Variants in BACH1 observed in about 807,000 individuals in gnomAD.
BACH1 encodes the protein transcription regulator protein BACH1.
BACH1 carries 35 observed loss-of-function variants against 52.9 expected under a neutral mutation model. That is an observed-to-expected ratio of 0.66 (90% CI 0.51 to 0.88). The LOEUF (loss-of-function observed/expected upper bound fraction) is 0.88. Ranked by LOEUF, BACH1 falls within the 40% of genes least tolerant of loss-of-function variation. BACH1 has a pLI of 0.00. For missense variants in BACH1, 808 were observed against 872.6 expected (o/e 0.93, Z 0.93); for synonymous variants, 321 against 319.6 (o/e 1.00, Z -0.05).
intron 1 of BACH1, among the ~76,000 whole-genome samples, chr21:29,304,804 A>G (rs1712153968): frequency 6.6e-6 from 1 of 152,274 alleles, no homozygotes; most frequent in South Asian, 2.1e-4. Context: ...CTCTTTACTG[A>G]TATCTTCACA....
intron 4 of BACH1, among the ~76,000 whole-genome samples, chr21:29,332,058 G>C (rs2088990216): frequency 6.6e-6 from 1 of 152,034 alleles, no homozygotes; most frequent in South Asian, 2.1e-4. Flanking sequence ...TCAGCCTCCT[G>C]AGTAGCTGGG....
At position 29,342,821 on chromosome 21, in the gene BACH1, T is replaced by C. The variant is rs752591333; in HGVS notation, c.2199T>C (p.Thr733=). The C allele has an allele frequency of 1.3e-6, 2 of 1,583,180 alleles. No individual in the cohort carries two copies. The highest frequency in any genetic ancestry group is 8.6e-7 in the Non-Finnish European group (1 of 1,160,526). Residue 733 remains threonine (T), a synonymous_variant, in exon 5 of 5, where the codon ACT becomes ACC. Coordinates refer to ENST00000286800, the MANE Select transcript of BACH1 (RefSeq NM_001186.4). ...DFCQQMTDKC[T]TDE ...GTCAGCAGATGACTGATAAATGTACTACTGATGAGTAAACTTGCATTCACT... is the reference window on the plus strand; with the variant it reads ...GTCAGCAGATGACTGATAAATGTACCACTGATGAGTAAACTTGCATTCACT...
rs117893901 is a variant in BACH1, at chr21:29,310,100, C to T, written c.-60-11121C>T. On this transcript the variant is annotated intron_variant, in intron 1 of 4. Coordinates refer to ENST00000286800, the MANE Select transcript of BACH1 (RefSeq NM_001186.4). The stretch of plus-strand genomic sequence containing the variant: ...TTAGTAATTTATTGTGAAGAATCTG[C>T]TAAGTTTTAGAGCCCATCAACTTAT... 3.2e-3 allele frequency among the ~76,000 whole-genome samples: 492 copies of T among 152,154 alleles called. 2 individuals carry two copies. The East Asian group carries it at 0.049, about 15-fold the overall frequency.
At position 29,326,273 on chromosome 21, in the gene BACH1, G is replaced by A. The variant is rs926355865; in HGVS notation, c.449G>A (p.Cys150Tyr). The change falls in exon 3 of 5, where the codon TGT becomes TAT. Residue 150 changes from cysteine (C) to tyrosine (Y), a missense_variant. Transcript: ENST00000286800. ...CPRKKCFSSH[C>Y]QKTDLKLSLL... Reference sequence around the variant, plus strand: ...AGAAAAAAATGCTTTTCATCACACTGTCAGAAAACAGACCTTAAACTTTCA... The same window carrying A: ...AGAAAAAAATGCTTTTCATCACACTATCAGAAAACAGACCTTAAACTTTCA... 1.2e-5 allele frequency: 20 copies of A among 1,614,136 alleles called. No homozygotes were observed. Among genetic ancestry groups the A allele is most frequent in the Non-Finnish European group, 1.4e-5 (17 of 1,180,010 alleles).
At chr21:29,317,082 T>A (rs1458077923) in intron 1 of BACH1, among the ~76,000 whole-genome samples, 1 of 152,236 alleles carries the variant, frequency 6.6e-6, no homozygotes, top group Non-Finnish European at 1.5e-5. Context: ...TAGCATTAGA[T>A]TCTCACAGGA....
chr21:29,328,299 GTTTGTA>G (rs2088938859), intron 3 of BACH1, among the ~76,000 whole-genome samples: 1 of 152,116 alleles, frequency 6.6e-6, no homozygotes, highest in South Asian at 2.1e-4. Flanking sequence ...TGTATATTCT[GTTTGTA>G]TTTGATAGAT....
intron 2 of BACH1, among the ~76,000 whole-genome samples, chr21:29,359,756 G>A (rs115582292): frequency 6.6e-6 from 1 of 152,062 alleles, no homozygotes; most frequent in Admixed American, 6.6e-5. Context: ...TTGCCCGTAA[G>A]GAAATTCCTT....
chr21:29,328,270 A>C (rs1347450635), intron 3 of BACH1, among the ~76,000 whole-genome samples: 1 of 152,216 alleles, frequency 6.6e-6, no homozygotes, highest in Admixed American at 6.5e-5. Context: ...GTATGATATT[A>C]ATCAAAGCAA....
At chr21:29,310,538 T>G (rs1303415980) in intron 1 of BACH1, among the ~76,000 whole-genome samples, 1 of 152,220 alleles carries the variant, frequency 6.6e-6, no homozygotes, top group Non-Finnish European at 1.5e-5. Context: ...AAGTCAAGAT[T>G]GGACCAAATA....
intron 2 of BACH1, among the ~76,000 whole-genome samples, chr21:29,325,010 C>T (rs563356412): frequency 2.6e-5 from 4 of 152,224 alleles, no homozygotes; most frequent in Admixed American, 6.5e-5. Flanking sequence ...GAGTGGATCA[C>T]GAGGTCAGGA....
chr21:29,312,680 T>C lies in BACH1; in HGVS notation c.-60-8541T>C, dbSNP rs2088739333. ...AAACCAACTCTGTATGCAGTAACTATAAACATTAAATGCTGAGGAATATAG... is the reference window on the plus strand; with the variant it reads ...AAACCAACTCTGTATGCAGTAACTACAAACATTAAATGCTGAGGAATATAG... On this transcript the variant is annotated intron_variant, in intron 1 of 4. Coordinates refer to ENST00000286800, the MANE Select transcript of BACH1 (RefSeq NM_001186.4). Among the ~76,000 whole-genome samples, 4 of 152,202 alleles carry C rather than the reference T, an allele frequency of 2.6e-5. 1 individual carries two copies. Among genetic ancestry groups the C allele is most frequent in the African/African-American group, 9.6e-5 (4 of 41,466 alleles).
At chr21:29,328,144 C>G (rs2088936864) in intron 3 of BACH1, among the ~76,000 whole-genome samples, 1 of 152,198 alleles carries the variant, frequency 6.6e-6, no homozygotes, top group Admixed American at 6.5e-5. Context: ...AATGTGACTT[C>G]TAGTGGAGTA....
At chr21:29,301,318 T>C (rs1005388089) in intron 1 of BACH1, among the ~76,000 whole-genome samples, 3 of 152,176 alleles carry the variant, frequency 2.0e-5, no homozygotes, top group African/African-American at 7.2e-5. Flanking sequence ...CAATCGTGTA[T>C]TCATATTATA....
At chr21:29,350,904 G>A (rs1287395789), downstream of BACH1, among the ~76,000 whole-genome samples, 3 of 152,138 alleles carry the variant, frequency 2.0e-5, no homozygotes, top group African/African-American at 4.8e-5. Context: ...TGAAAGCCAC[G>A]AACTTGCCCT....
At chr21:29,351,528 C>T (rs1341546295) in intron 2 of BACH1, 2 of 463,618 alleles carry the variant, frequency 4.3e-6, no homozygotes, top group Non-Finnish European at 9.0e-6. Flanking sequence ...AGAAGGAACT[C>T]GTTTTTTAAG....
chr21:29,358,769 G>T (rs978318436), intron 2 of BACH1, among the ~76,000 whole-genome samples: 3 of 31,142 alleles, frequency 9.6e-5, no homozygotes, highest in East Asian at 1.0e-3. Context: ...GAAAAGAAAA[G>T]AAAAGAAAGA....
chr21:29,317,875 A>G (rs2088806401), intron 1 of BACH1, among the ~76,000 whole-genome samples: 1 of 152,176 alleles, frequency 6.6e-6, no homozygotes, highest in African/African-American at 2.4e-5. Context: ...TCTACTTTAT[A>G]GATGAGGGAA....
intron 1 of BACH1, among the ~76,000 whole-genome samples, chr21:29,320,199 A>C (rs375652345): frequency 5.8e-4 from 89 of 152,326 alleles, no homozygotes; most frequent in African/African-American, 2.1e-3. Flanking sequence ...GGAGAACAGA[A>C]GTGAATGACG....
At position 29,321,394 on chromosome 21, in the gene BACH1, C is replaced by G. The variant is rs773511834; in HGVS notation, c.114C>G (p.Ile38Met). ...AAGATGTGCTGTGCGATGTCACCAT[C>G]TTTGTGGAGGGACAGCGGTTCCGCG... The part of the protein sequence containing the change: ...RKKDVLCDVT[I>M]FVEGQRFRAH... The change falls in exon 2 of 5, where the codon ATC becomes ATG. Residue 38 changes from isoleucine (I) to methionine (M), a missense_variant. Coordinates refer to ENST00000286800, the MANE Select transcript of BACH1 (RefSeq NM_001186.4). The G allele has an allele frequency of 6.2e-7, 1 of 1,614,244 alleles. No homozygotes were observed. Among genetic ancestry groups the G allele is most frequent in the Non-Finnish European group, 8.5e-7 (1 of 1,180,042 alleles).
Sources: gnomAD v4.1 joint callset for allele counts (sites outside exome capture counted in the v4.1 genomes callset) on GRCh38, gnomAD v4.1.1 for gene constraint, MANE v1.5 for transcripts, NCBI Gene and HGNC (gene_info 2026-07-23, HGNC 2026-07-21) for gene names.